PCDH10: variants seen among roughly 807,000 people sequenced by gnomAD.
PCDH10 encodes protocadherin-10.
In PCDH10, 15 loss-of-function variants were observed where a neutral mutation model predicts 74.4. That is an observed-to-expected ratio of 0.20 (90% CI 0.13 to 0.31). The LOEUF is 0.31. PCDH10 is among the 10% of genes least tolerant of loss of function. The probability of loss-of-function intolerance (pLI) is 1.00; values close to 1 mark genes in which losing one functional copy is unlikely to be tolerated. For missense variants in PCDH10, 1,260 were observed against 1,390.2 expected (o/e 0.91, Z 1.49); for synonymous variants, 619 against 589.8 (o/e 1.05, Z -0.72).
At chr4:133,205,628 G>A (rs1207803967) in intron 2 of PCDH10, among the ~76,000 whole-genome samples, 1 of 151,282 alleles carries the variant, frequency 6.6e-6, no homozygotes, top group African/African-American at 2.4e-5. Context: ...CATCTTTTTG[G>A]CTCCTTCGTT....
rs1268242150 is a variant in PCDH10, at chr4:133,152,028, C to A, written c.1888C>A (p.Arg630Ser). ...GCGTGGCAACGAAATGAACCTCTTTCGCATGGACTGGCGCACCGGGGAGCT... is the reference window on the plus strand; with the variant it reads ...GCGTGGCAACGAAATGAACCTCTTTAGCATGGACTGGCGCACCGGGGAGCT... Reference protein sequence around the residue: ...IVRGNEMNLFRMDWRTGELRT... With the variant: ...IVRGNEMNLFSMDWRTGELRT... Residue 630 changes from arginine (R) to serine (S), a missense_variant, in exon 1 of 5, where the codon CGC (arginine) becomes AGC (serine). Coordinates refer to ENST00000264360, the MANE Select transcript of PCDH10 (RefSeq NM_032961.3). 4 of 1,612,352 alleles carry A rather than the reference C, an allele frequency of 2.5e-6. No individual in the cohort carries two copies. Among genetic ancestry groups the A allele is most frequent in the Non-Finnish European group, 3.4e-6 (4 of 1,179,672 alleles).
At position 133,191,054 on chromosome 4, in the gene PCDH10, G is replaced by A. The variant is rs1255435919; in HGVS notation, c.*894G>A. 6.6e-6 allele frequency: 1 copy of A among 152,188 alleles called. No homozygotes were observed. Among genetic ancestry groups the A allele is most frequent in the Admixed American group, 6.6e-5 (1 of 15,190 alleles). 9.4% of individuals were successfully genotyped at this position (152,188 alleles called of 1,614,324 possible). On this transcript the variant is annotated 3_prime_UTR_variant, in exon 5 of 5. Transcript: ENST00000264360. Reference sequence around the variant, plus strand: ...TGTTATCAGACAGAGCACTGACTATGTACTATCAAACTATCTAACAATCTG... The same window carrying A: ...TGTTATCAGACAGAGCACTGACTATATACTATCAAACTATCTAACAATCTG...
chr4:133,155,378 GGATGA>G (rs1316072283), intron 3 of PCDH10, among the ~76,000 whole-genome samples: 8 of 152,166 alleles, frequency 5.3e-5, no homozygotes, highest in African/African-American at 1.9e-4. Flanking sequence ...ACTTGTTTAT[GGATGA>G]GATAACTGAA....
rs1482672051 is a variant in PCDH10, at chr4:133,150,103, T to G, written c.-38T>G. On this transcript the variant is annotated 5_prime_UTR_variant, in exon 1 of 5. Coordinates refer to ENST00000264360, the MANE Select transcript of PCDH10 (RefSeq NM_032961.3). Reference sequence around the variant, plus strand: ...GTGGTGGGGGAGGTGATTGGGTGGCTGACTGGCTGCGGGAAGCTACTTCCT... The same window carrying G: ...GTGGTGGGGGAGGTGATTGGGTGGCGGACTGGCTGCGGGAAGCTACTTCCT... The G allele has an allele frequency of 6.8e-7, 1 of 1,470,424 alleles. No homozygotes were observed. The highest frequency in any genetic ancestry group is 1.4e-5 in the African/African-American group (1 of 70,868). The allele number at this position is 1,470,424 out of a possible 1,614,324, so 91.1% of individuals were successfully genotyped here.
At chr4:133,200,196 C>T (rs541161026) in intron 2 of PCDH10, among the ~76,000 whole-genome samples, 2 of 152,000 alleles carry the variant, frequency 1.3e-5, no homozygotes, top group African/African-American at 4.8e-5. Context: ...TATCTCTTGT[C>T]AAAACTTTCT....
chr4:133,152,529 A>G lies in PCDH10; in HGVS notation c.2389A>G (p.Ser797Gly). The G allele has an allele frequency of 1.2e-6, 2 of 1,614,120 alleles. No homozygotes were observed. Among genetic ancestry groups the G allele is most frequent in the Non-Finnish European group, 1.7e-6 (2 of 1,180,018 alleles). The change falls in exon 1 of 5, where the codon AGT (serine) becomes GGT (glycine). Residue 797 changes from serine to glycine, a missense_variant. Ser to Gly is a moderately conservative substitution (Grantham distance 56, BLOSUM62 0). Coordinates refer to ENST00000264360, the MANE Select transcript of PCDH10 (RefSeq NM_032961.3). ...IMLVQSSNVP[S>G]NPAQVPIEES... The stretch of plus-strand genomic sequence containing the variant: ...GCTGGTGCAGAGCTCCAATGTACCC[A>G]GTAACCCGGCCCAGGTGCCGATAGA...
intron 1 of PCDH10, chr4:133,153,154 G>A: frequency 2.6e-6 from 3 of 1,175,032 alleles, no homozygotes; most frequent in Non-Finnish European, 3.2e-6. Context: ...TTTTCTTTGC[G>A]TCTGTCCCAG....
chr4:133,152,935 G>T, intron 1 of PCDH10, 164 bp downstream of exon 1: 2 of 1,453,340 alleles, frequency 1.4e-6, no homozygotes, highest in South Asian at 1.5e-5. Flanking sequence ...CCACTCCTTC[G>T]TGTGTAACCT....
chr4:133,157,909 C>T (rs1440504829), intron 3 of PCDH10, among the ~76,000 whole-genome samples: 2 of 152,132 alleles, frequency 1.3e-5, no homozygotes, highest in Non-Finnish European at 2.9e-5. Flanking sequence ...GGCAGCTGCA[C>T]AGAGAATCAC....
At chr4:133,154,756 A>G (rs1578559757) in intron 2 of PCDH10, 161 bp from the exon 3 acceptor site, 2 of 594,956 alleles carry the variant, frequency 3.4e-6, no homozygotes, top group South Asian at 4.5e-5. Context: ...TCATTTTTAA[A>G]TAGTTAAGCT....
intron 1 of PCDH10, chr4:133,153,176 G>A: frequency 7.2e-6 from 8 of 1,111,126 alleles, no homozygotes; most frequent in Non-Finnish European, 7.8e-6. Context: ...CATTAATAAA[G>A]TTGGCTCTAT....
Position 133,192,280 on chromosome 4 carries a change from T to C in PCDH10, c.*2120T>C, listed in dbSNP as rs1727694162. 1 of 151,690 alleles carries C rather than the reference T, an allele frequency of 6.6e-6. No individual in the cohort carries two copies. The highest frequency in any genetic ancestry group is 1.5e-5 in the Non-Finnish European group (1 of 67,670). The allele number at this position is 151,690 out of a possible 1,614,324, so 9.4% of individuals were successfully genotyped here. A position where few individuals can be genotyped will look rare whatever the true frequency, so the allele number is the denominator to read the frequency against. ...GACTATTTTAGTAAGGAAATGTTTA[T>C]ACATAATTTAACTGGAAAAAAGTCT... On this transcript the variant is annotated 3_prime_UTR_variant, in exon 5 of 5. Transcript: ENST00000264360.
chr4:133,173,368 G>A (rs770227140), intron 4 of PCDH10, among the ~76,000 whole-genome samples: 5 of 151,940 alleles, frequency 3.3e-5, no homozygotes, highest in Non-Finnish European at 7.4e-5. Context: ...AAGAGGAAAT[G>A]TATCTATATA....
chr4:133,155,842 A>G (rs953942677), intron 3 of PCDH10, among the ~76,000 whole-genome samples: 1 of 152,204 alleles, frequency 6.6e-6, no homozygotes, highest in Non-Finnish European at 1.5e-5. Flanking sequence ...GAAATAAAAT[A>G]TGTATGTTAA....
At chr4:133,155,414 C>G (rs184030830) in intron 3 of PCDH10, among the ~76,000 whole-genome samples, 492 of 152,238 alleles carry the variant, frequency 3.2e-3, no homozygotes, top group Non-Finnish European at 5.1e-3. Flanking sequence ...ATTGATTGAC[C>G]TGCACAAGGT....
chr4:133,194,920 A>C (rs1479335994), downstream of PCDH10, among the ~76,000 whole-genome samples: 1 of 151,964 alleles, frequency 6.6e-6, no homozygotes, highest in Non-Finnish European at 1.5e-5. Flanking sequence ...TTACTTTTTA[A>C]CTTTTTTTTG....
At chr4:133,172,897 A>G (rs890426468) in intron 4 of PCDH10, among the ~76,000 whole-genome samples, 1 of 151,980 alleles carries the variant, frequency 6.6e-6, no homozygotes, top group African/African-American at 2.4e-5. Context: ...TTTGGAAAAT[A>G]CAGTGTTCTC....
intron 3 of PCDH10, among the ~76,000 whole-genome samples, chr4:133,158,826 G>A (rs1190707659): frequency 6.6e-6 from 1 of 152,034 alleles, no homozygotes; most frequent in African/African-American, 2.4e-5. Flanking sequence ...ACTTTGAGCT[G>A]CAACTTGAAA....
At chr4:133,195,654 G>C (rs1440418023), downstream of PCDH10, among the ~76,000 whole-genome samples, 1 of 152,006 alleles carries the variant, frequency 6.6e-6, no homozygotes, top group Non-Finnish European at 1.5e-5. Context: ...GAAATTGGAA[G>C]AAAATATTAA....
Sources: allele counts gnomAD v4.1 joint callset (sites outside exome capture counted in the v4.1 genomes callset), GRCh38; gene constraint gnomAD v4.1.1; transcripts MANE v1.5; gene names NCBI Gene and HGNC (gene_info 2026-07-23, HGNC 2026-07-21).